Variants in ICE1 observed in about 807,000 individuals in gnomAD.
ICE1 encodes the protein interactor of little elongation complex ELL subunit 1.
In ICE1, 64 loss-of-function variants were observed where a neutral mutation model predicts 192.7. The observed-to-expected ratio is 0.33, with a 90% confidence interval of 0.27 to 0.41. The LOEUF is 0.41. Among genes scored for constraint, ICE1 ranks in the 10% least tolerant of loss-of-function variants. The pLI is 1.00. For synonymous variants in ICE1, 1,010 were observed against 984.5 expected (o/e 1.03, Z -0.49); for missense variants, 2,708 against 2,696.0 (o/e 1.00, Z -0.10).
Position 5,422,993 on chromosome 5 carries a change from GC to G in ICE1, c.79del (p.Gln27SerfsTer4). 1 of 1,437,506 alleles carries G rather than the reference GC, an allele frequency of 7.0e-7. No homozygotes were observed. The highest frequency in any genetic ancestry group is 9.1e-7 in the Non-Finnish European group (1 of 1,095,576). The allele number at this position is 1,437,506 out of a possible 1,614,324, so 89.0% of individuals were successfully genotyped here. ...LSRCQGCASL[Q>X]QNLNEYVEAL... ...CGCGATGTCAGGGCTGCGCCTCTCTGCAGCAGGTGCAGCACCTCCCGGGGCC... is the reference window on the plus strand; with the variant it reads ...CGCGATGTCAGGGCTGCGCCTCTCTGAGCAGGTGCAGCACCTCCCGGGGCC... On this transcript the variant is annotated frameshift_variant, in exon 1 of 19. Transcript: ENST00000296564. LOFTEE classifies it high-confidence loss of function.
At chr5:5,438,753 A>G (rs997495048) in intron 3 of ICE1, among the ~76,000 whole-genome samples, 13 of 152,244 alleles carry the variant, frequency 8.5e-5, no homozygotes, top group African/African-American at 3.1e-4. Flanking sequence ...TTTTAAAACA[A>G]AAATTATCAG....
In ICE1 at chr5:5,447,462, C is replaced by A; in HGVS notation, c.460C>A (p.Leu154Met). 2 of 1,552,814 alleles carry A rather than the reference C, an allele frequency of 1.3e-6. No homozygotes were observed. The highest frequency in any genetic ancestry group is 1.7e-6 in the Non-Finnish European group (2 of 1,147,532). Residue 154 changes from leucine (L) to methionine (M), a missense_variant, in exon 8 of 19, where the codon CTG becomes ATG. Transcript: ENST00000296564. ...CAAGCAAACTCAGGACTTCAAGCAA[C>A]TGAGAAATGAAAAGAAAATACTTGA... ...AVKQTQDFKQ[L>M]RNEKKILEKE...
At chr5:5,432,021 T>C (rs536824839) in intron 1 of ICE1, among the ~76,000 whole-genome samples, 1 of 152,300 alleles carries the variant, frequency 6.6e-6, no homozygotes, top group Admixed American at 6.5e-5. Context: ...TTTGAGTCTT[T>C]GTTAGCTATA....
At chr5:5,480,055 C>T (rs542976434) in intron 17 of ICE1, among the ~76,000 whole-genome samples, 6 of 152,164 alleles carry the variant, frequency 3.9e-5, no homozygotes, top group African/African-American at 1.2e-4. Context: ...ATGTAACAAA[C>T]CTGTACGTTC....
Position 5,464,426 on chromosome 5 carries a change from C to T in ICE1, c.5092C>T (p.Pro1698Ser), listed in dbSNP as rs772489569. The change falls in exon 13 of 19, where the codon CCA becomes TCA. Residue 1698 changes from proline to serine, a missense_variant. Pro to Ser is a moderately conservative substitution (Grantham distance 74). Coordinates refer to ENST00000296564, the MANE Select transcript of ICE1 (RefSeq NM_015325.3). This position sits in a 1 kb window ranked among gnomAD's most constrained non-coding sequence, Gnocchi z 4.0. The stretch of plus-strand genomic sequence containing the variant: ...ACGTGCCTCTCCTCCAGATCCTTCT[C>T]CATCTCCATCTGCAGCTTCAGCCAG... ...PRRASPPDPS[P>S]SPSAASASER... The T allele has an allele frequency of 1.9e-6, 3 of 1,613,962 alleles. No homozygotes were observed. The highest frequency in any genetic ancestry group is 1.1e-5 in the South Asian group (1 of 91,072).
rs778692719 is a variant in ICE1, at chr5:5,457,664, C to A, written c.1024C>A (p.Pro342Thr). 6.2e-7 allele frequency: 1 copy of A among 1,613,922 alleles called. No individual in the cohort carries two copies. The highest frequency in any genetic ancestry group is 8.5e-7 in the Non-Finnish European group (1 of 1,179,876). Residue 342 changes from proline (P) to threonine (T), a missense_variant, in exon 12 of 19, where the codon CCT becomes ACT. Physicochemically the swap from Pro to Thr is conservative, Grantham distance 38. Transcript: ENST00000296564. ...AAIDFFKLPP[P>T]LLSPVPSPPP... ...AATTGACTTCTTCAAACTTCCCCCT[C>A]CTCTTCTGTCACCAGTGCCCTCGCC...
At chr5:5,436,352 G>A in intron 1 of ICE1, 66 bp from the exon 2 acceptor site, 2 of 935,386 alleles carry the variant, frequency 2.1e-6, no homozygotes, top group Non-Finnish European at 3.1e-6. Context: ...GATAAATAAT[G>A]TTACAGACAA....
chr5:5,480,286 G>GGA, intron 17 of ICE1, among the ~76,000 whole-genome samples: 1 of 113,464 alleles, frequency 8.8e-6, no homozygotes, highest in African/African-American at 5.0e-5. Flanking sequence ...GTCTGGCTCT[G>GGA]TTGCCCAGGC....
At chr5:5,473,896 T>C (rs1317273692) in intron 16 of ICE1, 148 bp downstream of exon 16, 8 of 608,866 alleles carry the variant, frequency 1.3e-5, no homozygotes, top group Non-Finnish European at 2.1e-5. Context: ...TTTATAAGAG[T>C]TAATAAAACT....
Position 5,437,181 on chromosome 5 carries a change from G to A in ICE1, c.178+67G>A, listed in dbSNP as rs1737893355. On this transcript the variant is annotated intron_variant, in intron 3 of 18. Coordinates refer to ENST00000296564, the MANE Select transcript of ICE1 (RefSeq NM_015325.3). ...CTTATGTTTAATTCCTGAAAGAGAT[G>A]TGAGAATTGTTCCTCATAGGCCTTC... is the stretch of plus-strand genomic sequence containing the variant. 2.4e-6 allele frequency: 3 copies of A among 1,259,316 alleles called. No individual in the cohort carries two copies. The South Asian group carries it at 3.9e-5, about 16-fold the overall frequency. 78.0% of individuals were successfully genotyped at this position (1,259,316 alleles called of 1,614,324 possible).
intron 17 of ICE1, among the ~76,000 whole-genome samples, chr5:5,486,482 C>T (rs1416946068): frequency 2.0e-5 from 3 of 151,382 alleles, no homozygotes; most frequent in East Asian, 1.9e-4. Context: ...GATCTGTTAA[C>T]TTAACAGAAG....
In ICE1 at chr5:5,466,415, G is replaced by A. The variant is rs763288159; in HGVS notation, c.5974G>A (p.Ala1992Thr). 1.2e-6 allele frequency: 2 copies of A among 1,613,066 alleles called. No individual in the cohort carries two copies. The highest frequency in any genetic ancestry group is 1.1e-5 in the South Asian group (1 of 90,958). The change falls in exon 14 of 19, where the codon GCC becomes ACC. Residue 1992 changes from alanine (A) to threonine (T), a missense_variant. Ala to Thr is a moderately conservative substitution (Grantham distance 58). Transcript: ENST00000296564. Reference sequence around the variant, plus strand: ...ATCTATGGACCACAATTACATTCACGCCCTCTGCAGGGTGTATGTGGGTAT... The same window carrying A: ...ATCTATGGACCACAATTACATTCACACCCTCTGCAGGGTGTATGTGGGTAT... ...KISMDHNYIHALCRVYVGICR... is the reference protein window; with the variant it reads ...KISMDHNYIHTLCRVYVGICR...
chr5:5,468,573 G>A (rs1739061722), intron 14 of ICE1, among the ~76,000 whole-genome samples: 1 of 152,166 alleles, frequency 6.6e-6, no homozygotes, highest in African/African-American at 2.4e-5. Context: ...CCTATGTAAT[G>A]CAAAACCTAT....
chr5:5,449,961 G>T (rs1348442547), intron 10 of ICE1, among the ~76,000 whole-genome samples: 1 of 152,178 alleles, frequency 6.6e-6, no homozygotes, highest in Non-Finnish European at 1.5e-5. Context: ...CTGCAAGGCA[G>T]GGTCCCACAG....
intron 18 of ICE1, among the ~76,000 whole-genome samples, chr5:5,487,676 TAAAAG>T (rs1739670493): frequency 6.6e-6 from 1 of 152,186 alleles, no homozygotes; most frequent in South Asian, 2.1e-4. Flanking sequence ...TATATTGACA[TAAAAG>T]AAAGTAGCCA....
intron 17 of ICE1, among the ~76,000 whole-genome samples, chr5:5,484,012 T>C (rs1739573493): frequency 6.6e-6 from 1 of 152,224 alleles, no homozygotes; most frequent in Non-Finnish European, 1.5e-5. Context: ...GCCTCAGCTC[T>C]GCTGGGGCTC....
chr5:5,463,338 G>C lies in ICE1; in HGVS notation c.4004G>C (p.Gly1335Ala), dbSNP rs771761962. The C allele has an allele frequency of 6.2e-7, 1 of 1,613,654 alleles. No individual in the cohort carries two copies. Among genetic ancestry groups the C allele is most frequent in the Non-Finnish European group, 8.5e-7 (1 of 1,179,774 alleles). Residue 1335 changes from glycine (G) to alanine (A), a missense_variant, in exon 13 of 19, where the codon GGT (glycine) becomes GCT (alanine). Physicochemically the swap from Gly to Ala is moderately conservative, Grantham distance 60. Coordinates refer to ENST00000296564, the MANE Select transcript of ICE1 (RefSeq NM_015325.3). ...ACTGAGGGCAGCTCTCCCATCAGCGGTATGCCTCAGAATGAAAACCCTCAG... is the reference window on the plus strand; with the variant it reads ...ACTGAGGGCAGCTCTCCCATCAGCGCTATGCCTCAGAATGAAAACCCTCAG... ...LDTEGSSPIS[G>A]MPQNENPQSR... is the part of the protein sequence containing the mutation.
chr5:5,460,833 C>T lies in ICE1; in HGVS notation c.1499C>T (p.Thr500Ile). The part of the protein sequence containing the change: ...EMDKSVQTEK[T>I]IHKLTRGLCI... ...GATAAGTCAGTACAAACTGAGAAGACCATTCATAAACTCACTCGAGGTCTA... is the reference window on the plus strand; with the variant it reads ...GATAAGTCAGTACAAACTGAGAAGATCATTCATAAACTCACTCGAGGTCTA... The change falls in exon 13 of 19, where the codon ACC becomes ATC. Residue 500 changes from threonine (T) to isoleucine (I), a missense_variant. Thr to Ile is a moderately conservative substitution (Grantham distance 89). Coordinates refer to ENST00000296564, the MANE Select transcript of ICE1 (RefSeq NM_015325.3). The T allele has an allele frequency of 6.2e-7, 1 of 1,614,006 alleles. No individual in the cohort carries two copies.
At chr5:5,423,276 C>T (rs1270919182) in intron 1 of ICE1, among the ~76,000 whole-genome samples, 1 of 152,120 alleles carries the variant, frequency 6.6e-6, no homozygotes, top group African/African-American at 2.4e-5. Flanking sequence ...GGAGGGCCCC[C>T]CACCTTCCCT....
Sources: allele counts gnomAD v4.1 joint callset (sites outside exome capture counted in the v4.1 genomes callset), GRCh38; gene constraint gnomAD v4.1.1; non-coding constraint Gnocchi (gnomAD v3.1); transcripts MANE v1.5; gene names NCBI Gene and HGNC (gene_info 2026-07-23, HGNC 2026-07-21).